Variants in TAFA1 observed in about 807,000 individuals in gnomAD.
TAFA1 encodes TAFA chemokine like family member 1, also known as chemokine-like protein TAFA-1.
TAFA1 carries 4 observed loss-of-function variants against 18.5 expected under a neutral mutation model. The observed-to-expected ratio is 0.22, with a 90% CI of 0.11 to 0.49. The LOEUF is 0.49. Among genes scored for constraint, TAFA1 ranks in the 20% least tolerant of loss-of-function variants. TAFA1 has a pLI of 0.98. For missense variants in TAFA1, 147 were observed against 169.0 expected (o/e 0.87, Z 0.72); for synonymous variants, 56 against 55.2 (o/e 1.01, Z -0.06).
chr3:68,529,898 G>A (rs1275539039), intron 3 of TAFA1, among the ~76,000 whole-genome samples: 1 of 152,146 alleles, frequency 6.6e-6, no homozygotes, highest in Non-Finnish European at 1.5e-5. Context: ...GAACTCTGGA[G>A]AGGACAAAAA....
intron 2 of TAFA1, among the ~76,000 whole-genome samples, chr3:68,262,006 C>A (rs1472471641): frequency 6.6e-6 from 1 of 151,198 alleles, no homozygotes; most frequent in Non-Finnish European, 1.5e-5. Flanking sequence ...TATCACCTAC[C>A]TGCTAAAAGA....
At chr3:68,532,471 A>AT (rs2073205182) in intron 3 of TAFA1, among the ~76,000 whole-genome samples, 1 of 152,110 alleles carries the variant, frequency 6.6e-6, no homozygotes. Context: ...GAGAAAGCCC[A>AT]TTTGCATCCA....
intron 2 of TAFA1, chr3:68,247,479 C>G (rs1473131598): frequency 6.6e-6 from 1 of 152,182 alleles, no homozygotes; most frequent in African/African-American, 2.4e-5. Context: ...GAAGCCACCT[C>G]AGGTCCCTCA....
intron 2 of TAFA1, among the ~76,000 whole-genome samples, chr3:68,256,925 A>G (rs559899520): frequency 4.2e-4 from 64 of 152,154 alleles, no homozygotes; most frequent in African/African-American, 1.3e-3. Flanking sequence ...ACGGCAGCCA[A>G]TATCATTTCT....
chr3:68,065,765 T>TATATATAC (rs1340736674), intron 2 of TAFA1, among the ~76,000 whole-genome samples: 3 of 60,128 alleles, frequency 5.0e-5, no homozygotes, highest in African/African-American at 1.1e-4. Flanking sequence ...TATATATATA[T>TATATATAC]ACACACACAT....
intron 2 of TAFA1, among the ~76,000 whole-genome samples, chr3:68,097,394 C>T (rs1293052261): frequency 1.3e-5 from 2 of 152,158 alleles, no homozygotes; most frequent in Admixed American, 1.3e-4. Flanking sequence ...GTTATTGTCT[C>T]TGTTTTCCTT....
rs190937865 is a variant in TAFA1, at chr3:68,123,164, G to A, written c.118+116420G>A. On this transcript the variant is annotated intron_variant, in intron 2 of 4. Coordinates refer to ENST00000478136, the MANE Select transcript of TAFA1 (RefSeq NM_213609.4). ...TGACACTCCATCAAGCTCCTTCTTA[G>A]GTTTGCATCCTTAGATGCTAAGATG... Among the ~76,000 whole-genome samples, 30 of 152,070 alleles carry A rather than the reference G, an allele frequency of 2.0e-4. No individual in the cohort carries two copies. The East Asian group carries it at 5.8e-3, about 29-fold the overall frequency.
chr3:68,259,206 T>C (rs1480236601), intron 2 of TAFA1, among the ~76,000 whole-genome samples: 4 of 152,180 alleles, frequency 2.6e-5, no homozygotes, highest in Non-Finnish European at 4.4e-5. Context: ...AACGAAATTA[T>C]GCCATTAGGG....
At chr3:68,294,813 G>C (rs1475702878) in intron 2 of TAFA1, among the ~76,000 whole-genome samples, 1 of 152,122 alleles carries the variant, frequency 6.6e-6, no homozygotes, top group African/African-American at 2.4e-5. Context: ...GGAGGTTGAG[G>C]CTGCAGTGAG....
intron 2 of TAFA1, among the ~76,000 whole-genome samples, chr3:68,182,594 A>T (rs1445098312): frequency 1.3e-5 from 2 of 152,216 alleles, no homozygotes; most frequent in African/African-American, 4.8e-5. Flanking sequence ...AATTTATCAC[A>T]TTAACATGAA....
the TAFA1 span, among the ~76,000 whole-genome samples, chr3:67,994,279 A>G: frequency 6.6e-6 from 1 of 152,204 alleles, no homozygotes; most frequent in Admixed American, 6.5e-5. Context: ...ATGAGCAGTG[A>G]GCTGGCAATG....
chr3:68,364,215 A>G (rs2069525530), intron 2 of TAFA1, among the ~76,000 whole-genome samples: 1 of 152,196 alleles, frequency 6.6e-6, no homozygotes, highest in East Asian at 1.9e-4. Context: ...AGCTCTCAGA[A>G]TATCCTGTAA....
intron 3 of TAFA1, among the ~76,000 whole-genome samples, chr3:68,476,384 G>C (rs2106642001): frequency 6.6e-6 from 1 of 152,290 alleles, no homozygotes; most frequent in Non-Finnish European, 1.5e-5. Context: ...TTAGTACAAA[G>C]GTTATGAAAG....
chr3:68,405,341 T>G (rs1168726426), intron 2 of TAFA1, among the ~76,000 whole-genome samples: 1 of 151,816 alleles, frequency 6.6e-6, no homozygotes, highest in Non-Finnish European at 1.5e-5. Context: ...CAAAAATGAA[T>G]AAAGAGGTAG....
At chr3:68,484,259 C>G (rs1251295819) in intron 3 of TAFA1, among the ~76,000 whole-genome samples, 1 of 152,160 alleles carries the variant, frequency 6.6e-6, no homozygotes, top group Non-Finnish European at 1.5e-5. Context: ...TTCCAGGGCT[C>G]AGAAGGCACT....
At chr3:68,287,760 A>AT (rs2068035318) in intron 2 of TAFA1, among the ~76,000 whole-genome samples, 1 of 152,084 alleles carries the variant, frequency 6.6e-6, no homozygotes, top group South Asian at 2.1e-4. Flanking sequence ...AATTAGGGCT[A>AT]TTTATCCTTC....
At chr3:68,076,535 C>T (rs1299659813) in intron 2 of TAFA1, among the ~76,000 whole-genome samples, 1 of 147,294 alleles carries the variant, frequency 6.8e-6, no homozygotes, top group Non-Finnish European at 1.5e-5. Flanking sequence ...TCAATTCCCA[C>T]CTACGAGTGA....
rs970201103 is a variant in TAFA1, at chr3:68,183,558, T to C, written c.118+176814T>C. Among the ~76,000 whole-genome samples, 3 of 152,152 alleles carry C rather than the reference T, an allele frequency of 2.0e-5. No individual in the cohort carries two copies. In the South Asian group the frequency reaches 6.2e-4, roughly 31 times the overall value. On this transcript the variant is annotated intron_variant, in intron 2 of 4. Coordinates refer to ENST00000478136, the MANE Select transcript of TAFA1 (RefSeq NM_213609.4). ...TCAGAAGACTGTTGGATCCTGTATATCTTTTCTTATTATTTATTAGCTGCC... is the reference window on the plus strand; with the variant it reads ...TCAGAAGACTGTTGGATCCTGTATACCTTTTCTTATTATTTATTAGCTGCC...
chr3:68,429,417 AT>A (rs1225862684), intron 3 of TAFA1, among the ~76,000 whole-genome samples: 2 of 152,064 alleles, frequency 1.3e-5, no homozygotes, highest in East Asian at 3.9e-4. Flanking sequence ...GAGAAGTTAG[AT>A]CATTCCTTCC....
Sources: gnomAD v4.1 joint callset for allele counts (sites outside exome capture counted in the v4.1 genomes callset) on GRCh38, gnomAD v4.1.1 for gene constraint, MANE v1.5 for transcripts, NCBI Gene and HGNC (gene_info 2026-07-23, HGNC 2026-07-21) for gene names.